The following PIK3R3 variants were observed in gnomAD, a reference collection of about 807,000 sequenced individuals.
PIK3R3 encodes phosphoinositide-3-kinase regulatory subunit 3.
PIK3R3 carries 64 observed loss-of-function variants against 62.9 expected under a neutral mutation model. The ratio of observed to expected loss-of-function variants is 1.02; its 90% confidence interval spans 0.83 to 1.25. PIK3R3 has a LOEUF of 1.25. PIK3R3 is among the 50% of genes most tolerant of loss of function. PIK3R3 has a pLI of 0.00. For missense variants in PIK3R3, 614 were observed against 561.6 expected (o/e 1.09, Z -0.94); for synonymous variants, 165 against 189.0 (o/e 0.87, Z 1.04).
chr1:46,099,960 C>T (rs1478852494), intron 1 of PIK3R3, among the ~76,000 whole-genome samples: 1 of 152,156 alleles, frequency 6.6e-6, no homozygotes, highest in Non-Finnish European at 1.5e-5. Flanking sequence ...TTCATGTCTG[C>T]AGGACATTTG....
At chr1:46,135,614 T>C (rs747617367), upstream of PIK3R3, among the ~76,000 whole-genome samples, 1 of 152,206 alleles carries the variant, frequency 6.6e-6, no homozygotes, top group Non-Finnish European at 1.5e-5. Context: ...AAATATTTCT[T>C]CTGTGCTCTG....
At chr1:46,102,755 T>A (rs1465173975) in intron 1 of PIK3R3, among the ~76,000 whole-genome samples, 2 of 147,114 alleles carry the variant, frequency 1.4e-5, no homozygotes, top group Non-Finnish European at 3.0e-5. Context: ...AAAAAATTTT[T>A]AAAATACCAT....
chr1:46,067,540 T>C (rs1425176391), intron 3 of PIK3R3, among the ~76,000 whole-genome samples: 1 of 152,210 alleles, frequency 6.6e-6, no homozygotes, highest in East Asian at 1.9e-4. Flanking sequence ...AGAAGCCATC[T>C]CTATATGAAG....
chr1:46,071,214 A>G (rs1290166523), intron 3 of PIK3R3, among the ~76,000 whole-genome samples: 2 of 152,052 alleles, frequency 1.3e-5, no homozygotes, highest in Non-Finnish European at 2.9e-5. Context: ...AACCCTAGTT[A>G]TTCCCTAAAA....
Position 46,043,537 on chromosome 1 carries a change from G to C in PIK3R3, c.*136C>G, listed in dbSNP as rs368552845. ...CCCCCATCCCGGCCGGCTGCTGCTC[G>C]GCCTCTCCACTTCACATTCACAAAA... is the stretch of plus-strand genomic sequence containing the variant. On this transcript the variant is annotated 3_prime_UTR_variant, in exon 10 of 10. Transcript: ENST00000262741. 4 of 762,026 alleles carry C rather than the reference G, an allele frequency of 5.2e-6. No individual in the cohort carries two copies. In the Admixed American group the frequency reaches 7.3e-5, roughly 14 times the overall value. The allele number at this position is 762,026 out of a possible 1,614,324, so 47.2% of individuals were successfully genotyped here.
the PIK3R3 span, among the ~76,000 whole-genome samples, chr1:46,139,568 A>C: frequency 1.3e-5 from 2 of 152,142 alleles, no homozygotes; most frequent in Non-Finnish European, 2.9e-5. Context: ...TGGCCTACCA[A>C]AGTGCTGGGA....
intron 1 of PIK3R3, chr1:46,104,804 C>T (rs1013824628): frequency 2.0e-5 from 7 of 355,970 alleles, no homozygotes; most frequent in Non-Finnish European, 3.1e-5. Flanking sequence ...TGGTGGCAAG[C>T]GCCTGTAATC....
chr1:46,069,532 A>T (rs1474554325), intron 3 of PIK3R3, among the ~76,000 whole-genome samples: 1 of 151,940 alleles, frequency 6.6e-6, no homozygotes, highest in African/African-American at 2.4e-5. Context: ...AAAAAAAAAA[A>T]GAATATGTTT....
At chr1:46,109,177 AAAAAAATT>A (rs1453522944) in intron 1 of PIK3R3, among the ~76,000 whole-genome samples, 2 of 133,604 alleles carry the variant, frequency 1.5e-5, no homozygotes, top group East Asian at 4.9e-4. Context: ...AAAAAAAAAA[AAAAAAATT>A]ATGTTTCTCT....
At chr1:46,150,131 C>T in the PIK3R3 span, among the ~76,000 whole-genome samples, 1 of 152,196 alleles carries the variant, frequency 6.6e-6, no homozygotes, top group Non-Finnish European at 1.5e-5. Context: ...AACATGGATT[C>T]CTGAAACCCC....
chr1:46,166,166 C>T, the PIK3R3 span, among the ~76,000 whole-genome samples: 1 of 151,990 alleles, frequency 6.6e-6, no homozygotes, highest in Admixed American at 6.6e-5. Context: ...TGCATAGGCA[C>T]TCAATAATAC....
intron 7 of PIK3R3, among the ~76,000 whole-genome samples, chr1:46,050,678 A>G (rs570273500): frequency 6.6e-6 from 1 of 152,350 alleles, no homozygotes; most frequent in Admixed American, 6.5e-5. Flanking sequence ...TAATTACCAT[A>G]TGATCCAGGA....
intron 3 of PIK3R3, among the ~76,000 whole-genome samples, chr1:46,069,275 T>A (rs1279692847): frequency 6.6e-6 from 1 of 152,154 alleles, no homozygotes; most frequent in South Asian, 2.1e-4. Flanking sequence ...ATCCCAGCAC[T>A]TTGGGAGGCC....
chr1:46,166,708 A>G, the PIK3R3 span, among the ~76,000 whole-genome samples: 2 of 151,750 alleles, frequency 1.3e-5, no homozygotes, highest in Middle Eastern at 6.8e-3. Flanking sequence ...TTGCGAGGGT[A>G]CCTCGAGGAT....
intron 1 of PIK3R3, among the ~76,000 whole-genome samples, chr1:46,115,148 C>A (rs1330582550): frequency 1.3e-5 from 2 of 152,062 alleles, no homozygotes; most frequent in Non-Finnish European, 2.9e-5. Flanking sequence ...ACTGGGGAAG[C>A]CCGTTTGAGA....
chr1:46,147,569 C>G, the PIK3R3 span, among the ~76,000 whole-genome samples: 21 of 152,334 alleles, frequency 1.4e-4, no homozygotes, highest in Admixed American at 3.9e-4. Flanking sequence ...AGGCGCCCAC[C>G]ACCACGCCTG....
chr1:46,053,321 G>A (rs986091664), intron 7 of PIK3R3, among the ~76,000 whole-genome samples: 11 of 151,938 alleles, frequency 7.2e-5, no homozygotes, highest in Non-Finnish European at 1.6e-4. Flanking sequence ...TTTTTTTGCT[G>A]TTGTTTTCTT....
In PIK3R3 at chr1:46,079,992, C is replaced by T. The variant is rs1223541503; in HGVS notation, c.215+650G>A. 2.0e-5 allele frequency among the ~76,000 whole-genome samples: 3 copies of T among 150,678 alleles called. No individual in the cohort carries two copies. The East Asian group carries it at 5.9e-4, about 29-fold the overall frequency. ...AATGAAGATTTTCTTGTCACTTTTT[C>T]ATGGGAAGAAAAGTATTAAGACACT... is the stretch of plus-strand genomic sequence containing the variant. On this transcript the variant is annotated intron_variant, in intron 2 of 9. Coordinates refer to ENST00000262741, the MANE Select transcript of PIK3R3 (RefSeq NM_003629.4).
rs1178515360 is a variant in PIK3R3, at chr1:46,131,902, C to T, written c.51G>A (p.Glu17=). The change falls in exon 1 of 10, where the codon GAG becomes GAA. Residue 17 remains glutamate (E), a synonymous_variant. Transcript: ENST00000262741. ...GTTCTGTCGAATAGGGCATCATCACCTCCCTCCAGTCTGCGTCATCGCGGT... is the reference window on the plus strand; with the variant it reads ...GTTCTGTCGAATAGGGCATCATCACTTCCCTCCAGTCTGCGTCATCGCGGT... ...SMDRDDADWR[E]VMMPYSTELI... 7.4e-6 allele frequency: 12 copies of T among 1,613,546 alleles called. No homozygotes were observed. Among genetic ancestry groups the T allele is most frequent in the Admixed American group, 3.3e-5 (2 of 59,982 alleles).
Sources: gnomAD v4.1 joint callset for allele counts (sites outside exome capture counted in the v4.1 genomes callset) on GRCh38, gnomAD v4.1.1 for gene constraint, MANE v1.5 for transcripts, NCBI Gene and HGNC (gene_info 2026-07-23, HGNC 2026-07-21) for gene names.